The following AFF3 variants were observed in gnomAD, a reference collection of about 807,000 sequenced individuals.
AFF3 encodes the protein AF4/FMR2 family member 3.
In AFF3, 32 loss-of-function variants were observed where a neutral mutation model predicts 129.7. The ratio of observed to expected loss-of-function variants is 0.25; its 90% confidence interval spans 0.19 to 0.33. The LOEUF is 0.33. Among genes scored for constraint, AFF3 ranks in the 10% least tolerant of loss-of-function variants. The probability of loss-of-function intolerance (pLI) is 1.00; values close to 1 mark genes in which losing one functional copy is unlikely to be tolerated. For missense variants in AFF3, 1,373 were observed against 1,592.0 expected (o/e 0.86, Z 2.34); for synonymous variants, 644 against 635.4 (o/e 1.01, Z -0.20).
chr2:100,098,171 C>G (rs2105453340), intron 4 of AFF3, among the ~76,000 whole-genome samples: 1 of 149,014 alleles, frequency 6.7e-6, no homozygotes, highest in Non-Finnish European at 1.5e-5. Context: ...TGCCCAGGGC[C>G]AAACAGAAAG....
chr2:99,771,767 T>C (rs529344192), intron 8 of AFF3, among the ~76,000 whole-genome samples: 1 of 152,250 alleles, frequency 6.6e-6, no homozygotes, highest in Admixed American at 6.5e-5. Context: ...GGAAGTGACG[T>C]ATTTCTAAAT....
intron 4 of AFF3, among the ~76,000 whole-genome samples, chr2:100,077,226 GC>G (rs1688652549): frequency 6.6e-6 from 1 of 152,136 alleles, no homozygotes; most frequent in Non-Finnish European, 1.5e-5. Context: ...TCCAGCCTGG[GC>G]GACAGTGAGA....
intron 2 of AFF3, chr2:100,106,146 C>T: frequency 8.1e-7 from 1 of 1,230,718 alleles, no homozygotes; most frequent in South Asian, 1.4e-5. Flanking sequence ...CTCAGCCTGG[C>T]TCCCTTCTTC....
At position 99,593,291 on chromosome 2, in the gene AFF3, G is replaced by C; in HGVS notation, c.2370C>G (p.Ser790Arg). Residue 790 changes from serine (S) to arginine (R), a missense_variant, in exon 15 of 25, where the codon AGC becomes AGG. By Grantham distance (110) the Ser-to-Arg change is moderately radical. Around this residue, in one of 9 missense-constraint regions of AFF3, gnomAD observed 466 missense variants for 505.0 expected, o/e 0.92. Transcript: ENST00000672756. ...EHLPQEPGVL[S>R]APATKDSESA... ...TCTCAGAGTCCTTGGTGGCAGGGGC[G>C]CTCAATACCCCTGGCTCCTGGGGCA... is the stretch of plus-strand genomic sequence containing the variant. The C allele has an allele frequency of 1.9e-6, 3 of 1,613,970 alleles. No homozygotes were observed. The highest frequency in any genetic ancestry group is 2.5e-6 in the Non-Finnish European group (3 of 1,179,924).
intron 11 of AFF3, among the ~76,000 whole-genome samples, chr2:99,700,144 G>A (rs536353466): frequency 1.4e-5 from 2 of 147,472 alleles, no homozygotes; most frequent in East Asian, 2.0e-4. Flanking sequence ...TTTTTGAGAC[G>A]AAGTCTCGCT....
At chr2:99,950,597 C>A (rs1676061137) in intron 7 of AFF3, among the ~76,000 whole-genome samples, 1 of 152,128 alleles carries the variant, frequency 6.6e-6, no homozygotes, top group Non-Finnish European at 1.5e-5. Flanking sequence ...TCTTCTCTTT[C>A]ACTAAATTGT....
chr2:99,589,756 G>A (rs1678484295), intron 15 of AFF3, among the ~76,000 whole-genome samples: 1 of 152,122 alleles, frequency 6.6e-6, no homozygotes, highest in Non-Finnish European at 1.5e-5. Context: ...AAGGTCACCT[G>A]ATTAAGGTCA....
At chr2:100,083,678 T>A (rs566359546) in intron 4 of AFF3, among the ~76,000 whole-genome samples, 2 of 152,202 alleles carry the variant, frequency 1.3e-5, no homozygotes, top group African/African-American at 4.8e-5. Flanking sequence ...GGGAGTCTGA[T>A]GAAAGCTGTA....
At chr2:99,951,700 C>T (rs1189907867) in intron 7 of AFF3, among the ~76,000 whole-genome samples, 2 of 152,178 alleles carry the variant, frequency 1.3e-5, no homozygotes, top group Non-Finnish European at 2.9e-5. Context: ...GGCTGGAGTG[C>T]AATGGCGCAA....
At chr2:99,643,055 ATTTTTTTTT>A (rs34572652) in intron 13 of AFF3, among the ~76,000 whole-genome samples, 3 of 100,864 alleles carry the variant, frequency 3.0e-5, no homozygotes, top group African/African-American at 7.9e-5. Flanking sequence ...TACTTAAAAG[ATTTTTTTTT>A]TTTTTTTTTT....
intron 7 of AFF3, among the ~76,000 whole-genome samples, chr2:99,900,934 T>G (rs921949974): frequency 6.6e-6 from 1 of 152,180 alleles, no homozygotes; most frequent in Non-Finnish European, 1.5e-5. Context: ...CTACTCATTT[T>G]CCTCCTTCTC....
At chr2:99,852,526 T>C (rs1690223024) in intron 7 of AFF3, among the ~76,000 whole-genome samples, 5 of 152,296 alleles carry the variant, frequency 3.3e-5, no homozygotes, top group Middle Eastern at 3.4e-3. Flanking sequence ...AAGTCACTGA[T>C]TAATAAATTC....
At chr2:99,700,286 A>T (rs1248403310) in intron 11 of AFF3, among the ~76,000 whole-genome samples, 2 of 152,132 alleles carry the variant, frequency 1.3e-5, no homozygotes, top group Non-Finnish European at 2.9e-5. Context: ...ATGCCCGGCT[A>T]ATTTTTGTAT....
At chr2:99,553,917 C>CAAAAA (rs1674649199) in intron 24 of AFF3, among the ~76,000 whole-genome samples, 368 of 72,236 alleles carry the variant, frequency 5.1e-3, no homozygotes, top group African/African-American at 7.5e-3. Context: ...CTGTCTCAAA[C>CAAAAA]CAAAAAAAAA....
chr2:99,692,244 G>C (rs1023947086), intron 11 of AFF3, among the ~76,000 whole-genome samples: 4 of 152,162 alleles, frequency 2.6e-5, no homozygotes, highest in African/African-American at 9.7e-5. Flanking sequence ...TCAGTCCCAA[G>C]GCCCAGGAAA....
chr2:99,966,501 T>C (rs1576446340), intron 7 of AFF3, among the ~76,000 whole-genome samples: 1 of 150,926 alleles, frequency 6.6e-6, no homozygotes, highest in Middle Eastern at 3.4e-3. Flanking sequence ...CCATCCCGGC[T>C]AAAACGGTGA....
At chr2:99,942,732 C>T (rs1001089272) in intron 7 of AFF3, among the ~76,000 whole-genome samples, 2 of 151,958 alleles carry the variant, frequency 1.3e-5, no homozygotes, top group African/African-American at 4.8e-5. Context: ...AGGAAAGTTT[C>T]CCAAGTTGCC....
At chr2:99,958,330 T>C (rs1163724142) in intron 7 of AFF3, among the ~76,000 whole-genome samples, 1 of 151,792 alleles carries the variant, frequency 6.6e-6, no homozygotes, top group African/African-American at 2.4e-5. Context: ...CCATCTCTAC[T>C]AAAAATACAA....
At chr2:99,691,637 C>G (rs746105222) in intron 11 of AFF3, among the ~76,000 whole-genome samples, 1 of 152,056 alleles carries the variant, frequency 6.6e-6, no homozygotes. Flanking sequence ...TTTTTGGCAC[C>G]GCAACCTTTT....
Sources: gnomAD v4.1 joint callset for allele counts (sites outside exome capture counted in the v4.1 genomes callset) on GRCh38, gnomAD v4.1.1 for gene constraint, gnomAD v4.1.1 regional missense constraint, MANE v1.5 for transcripts, NCBI Gene and HGNC (gene_info 2026-07-23, HGNC 2026-07-21) for gene names.